The following HTT variants were observed in gnomAD, a reference collection of about 807,000 sequenced individuals.
HTT encodes huntingtin.
Under a neutral mutation model 362.3 loss-of-function variants are expected in HTT, and 104 were observed. The observed-to-expected ratio is 0.29, with a 90% CI of 0.24 to 0.34. HTT has a LOEUF of 0.34. Ranked by LOEUF, HTT falls within the 10% of genes least tolerant of loss-of-function variation. HTT has a pLI of 1.00. For synonymous variants in HTT, 1,577 were observed against 1,548.7 expected, an observed-to-expected ratio of 1.02 and a Z score of -0.43; for missense variants, 3,301 against 3,928.6, an observed-to-expected ratio of 0.84 and a Z score of 4.27.
In HTT at chr4:3,235,254, C is replaced by T; in HGVS notation, c.8457-30C>T. ...CCCTCTCCACGTTGGATGGGGGTGGCTGAGCCTGGATGCTGTCTCCCGTTT... is the reference window on the plus strand; with the variant it reads ...CCCTCTCCACGTTGGATGGGGGTGGTTGAGCCTGGATGCTGTCTCCCGTTT... On this transcript the variant is annotated intron_variant, in intron 61 of 66. Transcript: ENST00000355072. 3 of 1,479,874 alleles carry T rather than the reference C, an allele frequency of 2.0e-6. No homozygotes were observed. The South Asian group carries it at 3.4e-5, about 17-fold the overall frequency. The allele number at this position is 1,479,874 out of a possible 1,614,324, so 91.7% of individuals were successfully genotyped here.
chr4:3,135,936 A>C lies in HTT; in HGVS notation c.2666A>C (p.Asn889Thr), dbSNP rs192933099. The change falls in exon 20 of 67, where the codon AAC becomes ACC. Residue 889 changes from asparagine to threonine, a missense_variant. Asn to Thr is a moderately conservative substitution (Grantham distance 65). Around this residue, in one of 4 missense-constraint regions of HTT, gnomAD observed 2,316 missense variants for 2,658.5 expected, o/e 0.87. Transcript: ENST00000355072. ...AGCTTTTTGGAGGCAAAAGCAGAAA[A>C]CTTACACAGAGGGGCTCATCATTAT... The part of the protein sequence containing the change: ...LVSFLEAKAE[N>T]LHRGAHHYTG... The C allele has an allele frequency of 2.9e-5, 47 of 1,604,014 alleles. No individual in the cohort carries two copies. The South Asian group carries it at 3.0e-4, about 10-fold the overall frequency.
intron 41 of HTT, among the ~76,000 whole-genome samples, chr4:3,200,247 A>AG (rs1210795873): frequency 6.6e-6 from 1 of 152,332 alleles, no homozygotes; most frequent in East Asian, 1.9e-4. Context: ...ACTAAGTTCT[A>AG]GTCCTTAAAT....
In HTT at chr4:3,131,872, T is replaced by C. The variant is rs1000166324; in HGVS notation, c.2236+97T>C. 3.0e-5 allele frequency: 35 copies of C among 1,165,546 alleles called. No homozygotes were observed. In the Middle Eastern group the frequency reaches 8.4e-4, roughly 28 times the overall value. The allele number at this position is 1,165,546 out of a possible 1,614,324, so 72.2% of individuals were successfully genotyped here. A position where few individuals can be genotyped will look rare whatever the true frequency, so the allele number is the denominator to read the frequency against. ...TTTTAGTTTTAGAGCAGTAAGTGTT[T>C]TGAGTTCATTTGGGATATTTGACCT... On this transcript the variant is annotated intron_variant, in intron 16 of 66. Transcript: ENST00000355072.
chr4:3,188,073 G>A (rs1032291925), intron 39 of HTT, 187 bp downstream of exon 39: 142 of 560,964 alleles, frequency 2.5e-4, no homozygotes, highest in Middle Eastern at 9.6e-4. Flanking sequence ...TACCTGTCTT[G>A]AAGTTCTGTC....
chr4:3,102,825 C>A (rs1285468979), intron 3 of HTT, among the ~76,000 whole-genome samples: 3 of 152,156 alleles, frequency 2.0e-5, no homozygotes, highest in African/African-American at 4.8e-5. Context: ...GACTTTGTGC[C>A]GTTAGCATCG....
chr4:3,154,249 A>T, intron 26 of HTT, 44 bp from the exon 27 acceptor site: 2 of 1,443,246 alleles, frequency 1.4e-6, no homozygotes, highest in Non-Finnish European at 1.9e-6. Flanking sequence ...CTTCCATCAC[A>T]TGTTTTTGTT....
intron 59 of HTT, 150 bp downstream of exon 59, chr4:3,229,159 A>G: frequency 1.4e-6 from 1 of 720,766 alleles, no homozygotes; most frequent in South Asian, 1.8e-5. Flanking sequence ...CACGCACCAT[A>G]GACACCACAC....
chr4:3,099,370 C>A lies in HTT; in HGVS notation c.444C>A (p.Asp148Glu). 6.2e-7 allele frequency: 1 copy of A among 1,613,514 alleles called. No individual in the cohort carries two copies. The highest frequency in any genetic ancestry group is 1.7e-5 in the Admixed American group (1 of 60,026). ...DAESDVRMVADECLNKVIKAL... is the reference protein window; with the variant it reads ...DAESDVRMVAEECLNKVIKAL... ...AGTCAGATGTCAGGATGGTGGCTGA[C>A]GAATGCCTCAACAAAGTTATCAAAG... Residue 148 changes from aspartate (D) to glutamate (E), a missense_variant, in exon 3 of 67, where the codon GAC becomes GAA. Asp to Glu is a conservative substitution (Grantham distance 45). Around this residue, in one of 4 missense-constraint regions of HTT, gnomAD observed 2,316 missense variants for 2,658.5 expected, o/e 0.87. Transcript: ENST00000355072.
Position 3,236,345 on chromosome 4 carries a change from C to T in HTT, c.8891+91C>T, listed in dbSNP as rs745587423. ...TTGTGTGTGTCTGCTGATCCCCTGG[C>T]GCTGTTGCTGGAGTCCTGCCAGTGA... On this transcript the variant is annotated intron_variant, in intron 64 of 66. Coordinates refer to ENST00000355072, the MANE Select transcript of HTT (RefSeq NM_001388492.1). The T allele has an allele frequency of 2.5e-5, 23 of 908,162 alleles. No individual in the cohort carries two copies. The East Asian group carries it at 3.9e-4, about 15-fold the overall frequency. The allele number at this position is 908,162 out of a possible 1,614,324, so 56.3% of individuals were successfully genotyped here. A position where few individuals can be genotyped will look rare whatever the true frequency, so the allele number is the denominator to read the frequency against.
At chr4:3,222,510 T>C (rs773975810) in intron 54 of HTT, 23 bp downstream of exon 54, 16 of 1,583,120 alleles carry the variant, frequency 1.0e-5, no homozygotes, top group Non-Finnish European at 1.3e-5. Context: ...CCTGTGCTGG[T>C]TGGCACATGG....
intron 29 of HTT, among the ~76,000 whole-genome samples, chr4:3,170,449 G>A (rs949505739): frequency 2.6e-5 from 4 of 152,124 alleles, no homozygotes; most frequent in Non-Finnish European, 5.9e-5. Flanking sequence ...CTGTGTGAGC[G>A]CTGAGCTCTG....
At chr4:3,161,220 C>T (rs1255833999) in intron 29 of HTT, among the ~76,000 whole-genome samples, 1 of 152,142 alleles carries the variant, frequency 6.6e-6, no homozygotes, top group Non-Finnish European at 1.5e-5. Context: ...TGGTTTCCAG[C>T]ATCATCCATG....
intron 18 of HTT, among the ~76,000 whole-genome samples, chr4:3,133,922 G>A (rs931279200): frequency 2.6e-5 from 4 of 152,154 alleles, no homozygotes; most frequent in African/African-American, 9.7e-5. Context: ...TGCATGTGAT[G>A]GTGCCCCTGG....
chr4:3,129,645 G>T, intron 12 of HTT: 1 of 288,334 alleles, frequency 3.5e-6, no homozygotes, highest in Non-Finnish European at 6.4e-6. Flanking sequence ...TTTTTGTATG[G>T]GTTTTTTCTT....
intron 2 of HTT, among the ~76,000 whole-genome samples, chr4:3,090,660 A>C (rs1443063083): frequency 1.3e-5 from 2 of 152,260 alleles, no homozygotes; most frequent in African/African-American, 4.8e-5. Context: ...TGAAAGATAT[A>C]GGTGACCACT....
chr4:3,224,707 G>A (rs362274), intron 56 of HTT, among the ~76,000 whole-genome samples: 22,299 of 152,166 alleles, frequency 0.15, 2,052 homozygotes, highest in African/African-American at 0.26. Context: ...GTATTTTAGC[G>A]TAGAGCTCTG....
intron 27 of HTT, among the ~76,000 whole-genome samples, chr4:3,154,929 A>G (rs1717068327): frequency 6.6e-6 from 1 of 152,056 alleles, no homozygotes; most frequent in South Asian, 2.1e-4. Context: ...ACCTTTTTTT[A>G]CCCATGAAAA....
At chr4:3,178,697 G>A (rs1210221364) in intron 35 of HTT, among the ~76,000 whole-genome samples, 1 of 152,210 alleles carries the variant, frequency 6.6e-6, no homozygotes, top group Admixed American at 6.5e-5. Context: ...CTAAGGTACA[G>A]ATAGATTCTG....
At chr4:3,144,067 G>A (rs1299547541) in intron 23 of HTT, among the ~76,000 whole-genome samples, 1 of 152,098 alleles carries the variant, frequency 6.6e-6, no homozygotes, top group Non-Finnish European at 1.5e-5. Context: ...AATATTGAGT[G>A]AAAAAAGGCA....
Sources: gnomAD v4.1 joint callset for allele counts (sites outside exome capture counted in the v4.1 genomes callset) on GRCh38, gnomAD v4.1.1 for gene constraint, gnomAD v4.1.1 regional missense constraint, MANE v1.5 for transcripts, NCBI Gene and HGNC (gene_info 2026-07-23, HGNC 2026-07-21) for gene names.